Variants in TUNAR observed in about 807,000 individuals in gnomAD.
The protein encoded by TUNAR is protein TUNAR.
chr14:95,912,747 C>T (rs550424035), intron 2 of TUNAR, among the ~76,000 whole-genome samples: 2 of 152,262 alleles, frequency 1.3e-5, no homozygotes, highest in African/African-American at 4.8e-5. Flanking sequence ...TTTTAATATC[C>T]TGTGCTTTTC....
At chr14:95,878,596 CTT>C (rs1435627273) in intron 2 of TUNAR, among the ~76,000 whole-genome samples, 2 of 152,206 alleles carry the variant, frequency 1.3e-5, no homozygotes, top group African/African-American at 4.8e-5. Flanking sequence ...GCTAGGATGT[CTT>C]AGTCCAGTCA....
intron 2 of TUNAR, among the ~76,000 whole-genome samples, chr14:95,918,330 T>C (rs1193634249): frequency 6.6e-6 from 1 of 152,274 alleles, no homozygotes; most frequent in Non-Finnish European, 1.5e-5. Context: ...TTATTGTTTC[T>C]GTTTTCCTTT....
At chr14:95,898,311 C>A (rs1205177543) in intron 2 of TUNAR, among the ~76,000 whole-genome samples, 2 of 152,126 alleles carry the variant, frequency 1.3e-5, no homozygotes, top group Admixed American at 6.5e-5. Flanking sequence ...TATAAGAATT[C>A]TTCTTCATTC....
intron 2 of TUNAR, among the ~76,000 whole-genome samples, chr14:95,907,174 C>T (rs1364920601): frequency 6.6e-6 from 1 of 152,144 alleles, no homozygotes; most frequent in African/African-American, 2.4e-5. Context: ...GTGGACATGC[C>T]ATGGTTTATT....
At chr14:95,877,727 C>T (rs910628554) in intron 2 of TUNAR, among the ~76,000 whole-genome samples, 1 of 152,164 alleles carries the variant, frequency 6.6e-6, no homozygotes, top group African/African-American at 2.4e-5. Context: ...TAACTGCTTC[C>T]GTCTCGAGAG....
At chr14:95,914,666 G>GTCA (rs57597333) in intron 2 of TUNAR, among the ~76,000 whole-genome samples, 16,622 of 125,006 alleles carry the variant, frequency 0.13, 2,235 homozygotes, top group African/African-American at 0.35. Context: ...TGTCATCATT[G>GTCA]TCATCATCAT....
At chr14:95,880,623 G>A (rs1200734151) in intron 2 of TUNAR, among the ~76,000 whole-genome samples, 1 of 152,204 alleles carries the variant, frequency 6.6e-6, no homozygotes, top group Non-Finnish European at 1.5e-5. Flanking sequence ...GTTCCTGGAA[G>A]GTAAGGAAGG....
At chr14:95,907,463 T>C (rs146495948) in intron 2 of TUNAR, among the ~76,000 whole-genome samples, 1 of 152,234 alleles carries the variant, frequency 6.6e-6, no homozygotes, top group Non-Finnish European at 1.5e-5. Flanking sequence ...AAGGTGGGGG[T>C]ATTGCTACTC....
intron 2 of TUNAR, among the ~76,000 whole-genome samples, chr14:95,888,631 C>T (rs900756219): frequency 1.3e-5 from 2 of 152,120 alleles, no homozygotes; most frequent in Non-Finnish European, 2.9e-5. Context: ...GGCTGGGTAG[C>T]CATACTGCCT....
intron 2 of TUNAR, among the ~76,000 whole-genome samples, chr14:95,906,693 T>A (rs1889431680): frequency 6.6e-6 from 1 of 152,246 alleles, no homozygotes; most frequent in African/African-American, 2.4e-5. Context: ...TTGTAATAGT[T>A]TGGTCCACTT....
chr14:95,913,342 G>A (rs887851798), intron 2 of TUNAR, among the ~76,000 whole-genome samples: 2 of 151,886 alleles, frequency 1.3e-5, no homozygotes, highest in Admixed American at 6.6e-5. Context: ...GACAGGCTCC[G>A]GTGTGTGATG....
chr14:95,900,949 C>G (rs951743582), intron 2 of TUNAR, among the ~76,000 whole-genome samples: 2 of 152,122 alleles, frequency 1.3e-5, no homozygotes, highest in Non-Finnish European at 2.9e-5. Flanking sequence ...TTTATAGGTG[C>G]CTTTTGCTTC....
chr14:95,916,703 T>C lies in TUNAR; in HGVS notation c.13-6078T>C, dbSNP rs375890069. Among the ~76,000 whole-genome samples, 15 of 152,334 alleles carry C rather than the reference T, an allele frequency of 9.8e-5. No individual in the cohort carries two copies. The East Asian group carries it at 1.7e-3, about 18-fold the overall frequency. On this transcript the variant is annotated intron_variant, in intron 2 of 2. Transcript: ENST00000678517. ...GGCTTTATAAGATAATGCCATCCTG[T>C]TTTCCAAAGTGACAGTATCCACTGA... is the stretch of plus-strand genomic sequence containing the variant.
chr14:95,883,722 A>ACCC (rs144578165), intron 2 of TUNAR, among the ~76,000 whole-genome samples: 104 of 151,006 alleles, frequency 6.9e-4, no homozygotes, highest in Non-Finnish European at 9.2e-4. Context: ...GGGCCAAGCC[A>ACCC]CCCCCCCGCC....
At chr14:95,914,416 C>A (rs938400945) in intron 2 of TUNAR, among the ~76,000 whole-genome samples, 6 of 152,176 alleles carry the variant, frequency 3.9e-5, no homozygotes, top group African/African-American at 1.4e-4. Flanking sequence ...ACTGTGGTGA[C>A]CCCAAAGTGA....
chr14:95,898,060 T>A (rs905140137), intron 2 of TUNAR, among the ~76,000 whole-genome samples: 4 of 152,174 alleles, frequency 2.6e-5, no homozygotes, highest in African/African-American at 9.7e-5. Context: ...GGGCTCACCG[T>A]CATTGCTTTC....
At chr14:95,911,254 T>C (rs528366941) in intron 2 of TUNAR, among the ~76,000 whole-genome samples, 2 of 152,282 alleles carry the variant, frequency 1.3e-5, no homozygotes, top group Non-Finnish European at 2.9e-5. Flanking sequence ...CATCTGCCAG[T>C]CCCCTGCCTC....
chr14:95,888,849 C>T (rs1469745475), intron 2 of TUNAR, among the ~76,000 whole-genome samples: 3 of 152,176 alleles, frequency 2.0e-5, no homozygotes, highest in South Asian at 2.1e-4. Context: ...GGAGGAGTGC[C>T]GAAGGATGCC....
Position 95,922,352 on chromosome 14 carries a change from A to G in TUNAR, c.13-429A>G, listed in dbSNP as rs779745097. ...TAGCATGGTAGGACTGTGATGCCCC[A>G]TACACACTTTGTGGATACTCAGGAC... On this transcript the variant is annotated intron_variant, in intron 2 of 2. Coordinates refer to ENST00000678517, the Ensembl canonical transcript of TUNAR. 5.3e-5 allele frequency among the ~76,000 whole-genome samples: 8 copies of G among 152,306 alleles called. No homozygotes were observed. In the South Asian group the frequency reaches 1.5e-3, roughly 28 times the overall value.
Sources: allele counts gnomAD v4.1 joint callset (sites outside exome capture counted in the v4.1 genomes callset), GRCh38; gene constraint gnomAD v4.1.1; transcripts MANE v1.5; gene names NCBI Gene and HGNC (gene_info 2026-07-23, HGNC 2026-07-21).